ARHGAP21: variants seen among roughly 807,000 people sequenced by gnomAD.
The protein encoded by ARHGAP21 is rho GTPase-activating protein 21.
In ARHGAP21, 38 loss-of-function variants were observed where a neutral mutation model predicts 164.6. The observed-to-expected ratio is 0.23, with a 90% CI of 0.18 to 0.30. ARHGAP21 has a LOEUF of 0.30. Among genes scored for constraint, ARHGAP21 ranks in the 10% least tolerant of loss-of-function variants. The pLI, the probability that ARHGAP21 is intolerant of heterozygous loss-of-function variation, is 1.00. For synonymous variants in ARHGAP21, 766 were observed against 857.9 expected (o/e 0.89, Z 1.87); for missense variants, 1,822 against 2,370.7 (o/e 0.77, Z 4.81).
chr10:24,696,082 A>T (rs757220821), intron 2 of ARHGAP21, among the ~76,000 whole-genome samples: 1 of 152,222 alleles, frequency 6.6e-6, no homozygotes, highest in Non-Finnish European at 1.5e-5. Flanking sequence ...AAACAACTAA[A>T]AATCCAGACA....
intron 2 of ARHGAP21, among the ~76,000 whole-genome samples, chr10:24,710,138 C>T (rs1300952150): frequency 6.6e-6 from 1 of 152,038 alleles, no homozygotes; most frequent in East Asian, 1.9e-4. Flanking sequence ...ATATTTTTCC[C>T]TTCCTGGTCT....
At chr10:24,628,398 G>A (rs1225691157) in intron 7 of ARHGAP21, among the ~76,000 whole-genome samples, 1 of 150,746 alleles carries the variant, frequency 6.6e-6, no homozygotes, top group South Asian at 2.1e-4. Context: ...GTCAGTGAAT[G>A]ACTCTTTAGG....
chr10:24,692,544 T>C (rs113818853), intron 2 of ARHGAP21, among the ~76,000 whole-genome samples: 2,028 of 152,318 alleles, frequency 0.013, 47 homozygotes, highest in African/African-American at 0.046. Flanking sequence ...AAGAGTAGAA[T>C]GGATAGACCA....
chr10:24,719,071 G>C (rs1394813078), intron 2 of ARHGAP21, among the ~76,000 whole-genome samples: 3 of 148,760 alleles, frequency 2.0e-5, no homozygotes, highest in Non-Finnish European at 4.4e-5. Flanking sequence ...AGTTACTCAA[G>C]GATTGGTGTC....
chr10:24,606,443 C>A (rs1564995324), intron 11 of ARHGAP21, among the ~76,000 whole-genome samples: 2 of 152,162 alleles, frequency 1.3e-5, no homozygotes, highest in East Asian at 3.9e-4. Context: ...TGCTAAGTGT[C>A]AAATTAAAAC....
intron 14 of ARHGAP21, among the ~76,000 whole-genome samples, chr10:24,598,930 A>C (rs2076695969): frequency 6.6e-6 from 1 of 152,114 alleles, no homozygotes. Context: ...TTATTTTTAG[A>C]ATGGTGGTGA....
chr10:24,666,920 C>G (rs1840250419), intron 4 of ARHGAP21, 65 bp downstream of exon 4: 1 of 1,192,180 alleles, frequency 8.4e-7, no homozygotes, highest in Admixed American at 2.4e-5. Context: ...TTTAGTATCA[C>G]TTAAAGAACA....
intron 4 of ARHGAP21, among the ~76,000 whole-genome samples, chr10:24,643,929 T>C (rs527762687): frequency 1.4e-3 from 214 of 152,218 alleles, no homozygotes; most frequent in African/African-American, 4.9e-3. Context: ...ACCAGGTTGA[T>C]CTCGAACTGA....
At chr10:24,721,751 C>T in intron 2 of ARHGAP21, 86 bp downstream of exon 2, 1 of 1,488,886 alleles carries the variant, frequency 6.7e-7, no homozygotes, top group South Asian at 1.2e-5. Context: ...CCTAGTGAGG[C>T]CCCGTGGCCG....
At chr10:24,592,832 C>T (rs1165513400) in intron 21 of ARHGAP21, among the ~76,000 whole-genome samples, 1 of 151,950 alleles carries the variant, frequency 6.6e-6, no homozygotes, top group Non-Finnish European at 1.5e-5. Flanking sequence ...TAGATTTTTC[C>T]CTCTAGTACA....
intron 2 of ARHGAP21, among the ~76,000 whole-genome samples, chr10:24,684,056 G>A (rs1240692802): frequency 2.0e-5 from 3 of 152,194 alleles, no homozygotes; most frequent in Non-Finnish European, 4.4e-5. Context: ...GGAGGCCAAG[G>A]TGGGCGGATC....
At position 24,607,821 on chromosome 10, in the gene ARHGAP21, G is replaced by T. The variant is rs907949200; in HGVS notation, c.2505C>A (p.Val835=). The T allele has an allele frequency of 6.2e-7, 1 of 1,614,104 alleles. No homozygotes were observed. Among genetic ancestry groups the T allele is most frequent in the Non-Finnish European group, 8.5e-7 (1 of 1,180,008 alleles). ...SAVISASTSQ[V]PSIATVPPCL... Reference sequence around the variant, plus strand: ...AAGGAGGAACTGTTGCTATGGAGGGGACCTGAGAGGTAGAGGCTGATATAA... The same window carrying T: ...AAGGAGGAACTGTTGCTATGGAGGGTACCTGAGAGGTAGAGGCTGATATAA... The change falls in exon 10 of 26, where the codon GTC becomes GTA. Residue 835 remains valine (V), a synonymous_variant. Transcript: ENST00000396432.
At chr10:24,685,989 A>C (rs1265877249) in intron 2 of ARHGAP21, among the ~76,000 whole-genome samples, 1 of 152,240 alleles carries the variant, frequency 6.6e-6, no homozygotes, top group East Asian at 1.9e-4. Flanking sequence ...ACTTCACTGG[A>C]AGTACAATCT....
In ARHGAP21 at chr10:24,654,834, A is replaced by C. The variant is rs1838624718; in HGVS notation, c.268+12151T>G. Among the ~76,000 whole-genome samples, 5 of 152,312 alleles carry C rather than the reference A, an allele frequency of 3.3e-5. No individual in the cohort carries two copies. In the South Asian group the frequency reaches 1.0e-3, roughly 32 times the overall value. ...CAAGACAATCCTAAGCCAAAAGAAC[A>C]AGGCTGGAGGCATCACACTACCTGA... On this transcript the variant is annotated intron_variant, in intron 4 of 25. Transcript: ENST00000396432.
intron 24 of ARHGAP21, chr10:24,590,453 C>A: frequency 6.5e-7 from 1 of 1,535,266 alleles, no homozygotes; most frequent in Non-Finnish European, 8.7e-7. Context: ...AGTGACATTA[C>A]CGTGTGATAG....
chr10:24,720,425 C>G (rs538687357), intron 2 of ARHGAP21, among the ~76,000 whole-genome samples: 14 of 152,218 alleles, frequency 9.2e-5, no homozygotes, highest in African/African-American at 3.1e-4. Flanking sequence ...GTAGGCCTTC[C>G]AAAAGGAGTT....
chr10:24,604,282 T>G (rs1484356256), intron 12 of ARHGAP21, 30 bp downstream of exon 12: 10 of 1,502,364 alleles, frequency 6.7e-6, no homozygotes, highest in Non-Finnish European at 9.0e-6. Context: ...AGAGATAAAC[T>G]AAGGTAAGTA....
intron 4 of ARHGAP21, among the ~76,000 whole-genome samples, chr10:24,643,729 G>GCTACTA (rs1369665502): frequency 2.0e-5 from 3 of 152,124 alleles, no homozygotes; most frequent in Non-Finnish European, 4.4e-5. Context: ...TTCTTGGCCT[G>GCTACTA]CTACTACAGC....
intron 2 of ARHGAP21, among the ~76,000 whole-genome samples, chr10:24,676,153 G>GA (rs1380843677): frequency 6.6e-6 from 1 of 151,860 alleles, no homozygotes; most frequent in East Asian, 1.9e-4. Context: ...GTGTCAGGGG[G>GA]AAAAAACAAA....
Sources: gnomAD v4.1 joint callset for allele counts (sites outside exome capture counted in the v4.1 genomes callset) on GRCh38, gnomAD v4.1.1 for gene constraint, MANE v1.5 for transcripts, NCBI Gene and HGNC (gene_info 2026-07-23, HGNC 2026-07-21) for gene names.